Variants in ASL observed in about 807,000 individuals in gnomAD.
ASL encodes argininosuccinate lyase, also known as argininosuccinase.
A neutral mutation model predicts 69.1 loss-of-function variants in ASL; 51 were observed. The ratio of observed to expected loss-of-function variants is 0.74; its 90% CI spans 0.59 to 0.93. The LOEUF (loss-of-function observed/expected upper bound fraction) is 0.93, where lower values mean the gene tolerates loss of function less well. ASL is among the 40% of genes least tolerant of loss of function. The pLI is 0.00. For missense variants in ASL, 540 were observed against 623.9 expected (o/e 0.87, Z 1.43); for synonymous variants, 241 against 247.6 (o/e 0.97, Z 0.25).
Position 66,089,353 on chromosome 7 carries a change from G to A in ASL, c.978+18G>A, listed in dbSNP as rs1170040677. 3 of 1,593,750 alleles carry A rather than the reference G, an allele frequency of 1.9e-6. No individual in the cohort carries two copies. Among genetic ancestry groups the A allele is most frequent in the Non-Finnish European group, 2.6e-6 (3 of 1,169,652 alleles). Reference sequence around the variant, plus strand: ...ACTTACAGGTGCGAGGCCGGGGGAGGCCTGGCTAGTACGTGCCAGTTCTCA... The same window carrying A: ...ACTTACAGGTGCGAGGCCGGGGGAGACCTGGCTAGTACGTGCCAGTTCTCA... On this transcript the variant is annotated intron_variant, in intron 13 of 16. Transcript: ENST00000304874.
intron 2 of ASL, among the ~76,000 whole-genome samples, chr7:66,076,969 AG>A (rs898029439): frequency 2.0e-5 from 3 of 152,074 alleles, no homozygotes; most frequent in Non-Finnish European, 4.4e-5. Flanking sequence ...GGGTCATGGC[AG>A]GGGGGTAGGG....
intron 14 of ASL, 73 bp from the exon 15 acceptor site, chr7:66,091,933 G>T (rs1786854158): frequency 1.3e-6 from 2 of 1,515,446 alleles, no homozygotes; most frequent in East Asian, 2.2e-5. Flanking sequence ...CTGGCAGAGG[G>T]GCAGGTCCTG....
At chr7:66,078,344 G>A (rs1786406930) in intron 2 of ASL, among the ~76,000 whole-genome samples, 1 of 152,100 alleles carries the variant, frequency 6.6e-6, no homozygotes, top group Non-Finnish European at 1.5e-5. Context: ...GGCGGAGGCT[G>A]CCTCTGCAGG....
chr7:66,091,836 T>C, intron 14 of ASL, 170 bp from the exon 15 acceptor site: 3 of 701,886 alleles, frequency 4.3e-6, no homozygotes, highest in Non-Finnish European at 5.1e-6. Flanking sequence ...CATGTAAATA[T>C]TATCGATAAT....
At position 66,089,173 on chromosome 7, in the gene ASL, CG is replaced by C; in HGVS notation, c.918+1del. 1 of 1,494,278 alleles carries C rather than the reference CG, an allele frequency of 6.7e-7. No individual in the cohort carries two copies. The highest frequency in any genetic ancestry group is 9.2e-7 in the Non-Finnish European group (1 of 1,083,226). The allele number at this position is 1,494,278 out of a possible 1,614,324, so 92.6% of individuals were successfully genotyped here. On this transcript the variant is annotated frameshift_variant and splice_region_variant, in exon 12 of 17. Transcript: ENST00000304874. LOFTEE classifies it high-confidence loss of function. ...GAGCAAGGCTGGGCGTGTGTTTGGG[CG>C]GGTGAGCAAGGCAGGGGGAGGGGCG... ...IRSKAGRVFG[R>X]CAGLLMTLKG...
chr7:66,092,114 T>G (rs1192347241), intron 15 of ASL, 28 bp downstream of exon 15: 44 of 1,604,624 alleles, frequency 2.7e-5, no homozygotes, highest in Middle Eastern at 1.6e-4. Flanking sequence ...AGGGGGAGGG[T>G]GAGGAGATGG....
intron 6 of ASL, among the ~76,000 whole-genome samples, chr7:66,085,588 G>C (rs1031754570): frequency 1.3e-5 from 2 of 152,034 alleles, no homozygotes; most frequent in Non-Finnish European, 2.9e-5. Flanking sequence ...AGACCACTCT[G>C]GGCAACATAG....
In ASL at chr7:66,089,066, TCAGCGC is replaced by T; in HGVS notation, c.834-20_834-15del. ...TGGACCAGCCAAGGGTCCAGCCCCT[TCAGCGC>T]CAGCACCTCTGTCCCCAGCACGGGA... is the stretch of plus-strand genomic sequence containing the variant. On this transcript the variant is annotated intron_variant, in intron 11 of 16. Transcript: ENST00000304874. 6.2e-7 allele frequency: 1 copy of T among 1,613,614 alleles called. No homozygotes were observed. Among genetic ancestry groups the T allele is most frequent in the Non-Finnish European group, 8.5e-7 (1 of 1,179,856 alleles).
In ASL at chr7:66,082,007, G is replaced by A. The variant is rs754479563; in HGVS notation, c.207+10G>A. The stretch of plus-strand genomic sequence containing the variant: ...CCATGGCCTAGACAAGGTACTTGCC[G>A]TGGCCCAAGCCCCACCCAAGGCCCC... On this transcript the variant is annotated intron_variant, in intron 3 of 16. Transcript: ENST00000304874. The A allele has an allele frequency of 2.3e-5, 37 of 1,593,034 alleles. No homozygotes were observed. The highest frequency in any genetic ancestry group is 1.8e-4 in the Admixed American group (10 of 56,178).
In ASL at chr7:66,092,783, C is replaced by T. The variant is rs538342522; in HGVS notation, c.1266C>T (p.Gly422=). The T allele has an allele frequency of 1.1e-5, 17 of 1,613,756 alleles. No homozygotes were observed. The highest frequency in any genetic ancestry group is 4.4e-5 in the South Asian group (4 of 91,084). ...ELQTISPLFS[G]DVICVWDYGH... ...CTCTCCCCAGCCCCCTGTTCTCGGG[C>T]GACGTGATCTGCGTGTGGGACTACG... The change falls in exon 17 of 17, where the codon GGC becomes GGT. Residue 422 remains glycine, a synonymous_variant. Coordinates refer to ENST00000304874, the MANE Select transcript of ASL (RefSeq NM_000048.4).
chr7:66,091,904 T>C lies in ASL; in HGVS notation c.1063-102T>C, dbSNP rs529841159. On this transcript the variant is annotated intron_variant, in intron 14 of 16. Transcript: ENST00000304874. ...AGAGCCGAGTGGGTAAGAGAGTATC[T>C]GCCCAAGGCAGGGATGTCCTGGCAG... 2.0e-4 allele frequency: 241 copies of C among 1,198,382 alleles called. 2 individuals are homozygous for C. The African/African-American group carries it at 3.2e-3, about 16-fold the overall frequency. The allele number at this position is 1,198,382 out of a possible 1,614,324, so 74.2% of individuals were successfully genotyped here. A position where few individuals can be genotyped will look rare whatever the true frequency, so the allele number is the denominator to read the frequency against.
intron 11 of ASL, 38 bp from the exon 12 acceptor site, chr7:66,089,053 G>T: frequency 1.9e-6 from 3 of 1,612,474 alleles, no homozygotes; most frequent in Non-Finnish European, 2.5e-6. Flanking sequence ...GACCAGCCAA[G>T]GGTCCAGCCC....
chr7:66,086,475 G>A, intron 6 of ASL, 110 bp from the exon 7 acceptor site: 1 of 1,127,970 alleles, frequency 8.9e-7, no homozygotes, highest in Non-Finnish European at 1.3e-6. Flanking sequence ...CAGGTGGAGT[G>A]CTGCAGCGTG....
chr7:66,087,725 C>A lies in ASL; in HGVS notation c.656-4C>A, dbSNP rs571362354. The stretch of plus-strand genomic sequence containing the variant: ...CTTAGCCCTGCTTCCTCCCACCCCC[C>A]CAGAACTCAACTTTGGGGCCATCAC... On this transcript the variant is annotated splice_region_variant and splice_polypyrimidine_tract_variant and intron_variant, in intron 9 of 16. Coordinates refer to ENST00000304874, the MANE Select transcript of ASL (RefSeq NM_000048.4). 1.4e-5 allele frequency: 22 copies of A among 1,613,986 alleles called. No individual in the cohort carries two copies. The East Asian group carries it at 2.5e-4, about 18-fold the overall frequency.
rs1196709069 is a variant in ASL at position 66,083,183 on chromosome 7, T to C, written c.446+9T>C. The C allele has an allele frequency of 1.2e-6, 2 of 1,611,214 alleles. No homozygotes were observed. ...GTGGATCGGGCAGAGGCGTGAGTCC[T>C]ACAGGGACACCCAGGGGGCAGACAG... On this transcript the variant is annotated intron_variant, in intron 6 of 16. Coordinates refer to ENST00000304874, the MANE Select transcript of ASL (RefSeq NM_000048.4).
At chr7:66,082,543 G>A (rs1786538152) in intron 4 of ASL, 92 bp downstream of exon 4, 14 of 1,391,978 alleles carry the variant, frequency 1.0e-5, no homozygotes, top group East Asian at 2.4e-5. Flanking sequence ...TGTTTACTTC[G>A]CCATTGGCAG....
intron 2 of ASL, 132 bp downstream of exon 2, chr7:66,076,225 G>T: frequency 8.3e-7 from 1 of 1,203,432 alleles, no homozygotes; most frequent in South Asian, 1.4e-5. Context: ...TAGGAAGCCT[G>T]CACCCCCAGC....
intron 2 of ASL, among the ~76,000 whole-genome samples, chr7:66,080,954 C>T (rs1786487296): frequency 6.6e-6 from 1 of 152,160 alleles, no homozygotes; most frequent in Non-Finnish European, 1.5e-5. Flanking sequence ...GGCCTCTTTG[C>T]CTGTCCCTGC....
In ASL at chr7:66,093,056, C is replaced by A; in HGVS notation, c.*144C>A. On this transcript the variant is annotated 3_prime_UTR_variant, in exon 17 of 17. Transcript: ENST00000304874. Reference sequence around the variant, plus strand: ...GGACTGGAGAGGCAGGGCAGGGTGGCCTGTAATCCCAGCACTTTGGAAGGG... The same window carrying A: ...GGACTGGAGAGGCAGGGCAGGGTGGACTGTAATCCCAGCACTTTGGAAGGG... The A allele has an allele frequency of 7.3e-7, 1 of 1,373,494 alleles. No individual in the cohort carries two copies. Among genetic ancestry groups the A allele is most frequent in the Non-Finnish European group, 9.9e-7 (1 of 1,007,198 alleles). 85.1% of individuals were successfully genotyped at this position (1,373,494 alleles called of 1,614,324 possible).
Sources: gnomAD v4.1 joint callset for allele counts (sites outside exome capture counted in the v4.1 genomes callset) on GRCh38, gnomAD v4.1.1 for gene constraint, MANE v1.5 for transcripts, NCBI Gene and HGNC (gene_info 2026-07-23, HGNC 2026-07-21) for gene names.